The following ENOX1 variants were observed in gnomAD, a reference collection of about 807,000 sequenced individuals.
The protein encoded by ENOX1 is candidate growth-related and time keeping constitutive hydroquinone (NADH) oxidase.
Under a neutral mutation model 82.5 loss-of-function variants are expected in ENOX1, and 42 were observed. That is an observed-to-expected ratio of 0.51 (90% CI 0.40 to 0.66). The LOEUF (loss-of-function observed/expected upper bound fraction) is 0.66. Among genes scored for constraint, ENOX1 ranks in the 30% least tolerant of loss-of-function variants. The pLI is 0.00. For missense variants in ENOX1, 608 were observed against 811.6 expected (o/e 0.75, Z 3.05); for synonymous variants, 271 against 282.2 (o/e 0.96, Z 0.40).
chr13:43,599,402 A>G (rs1389371090), intron 2 of ENOX1, among the ~76,000 whole-genome samples: 1 of 151,936 alleles, frequency 6.6e-6, no homozygotes, highest in Admixed American at 6.6e-5. Flanking sequence ...TTTGCATTGA[A>G]ACTCAGTGCT....
At chr13:43,732,841 A>G (rs985843464) in intron 1 of ENOX1, among the ~76,000 whole-genome samples, 22 of 152,228 alleles carry the variant, frequency 1.4e-4, no homozygotes, top group African/African-American at 5.3e-4. Context: ...CAGCCCCAGT[A>G]ATGCAAGACA....
chr13:43,356,200 C>A (rs768155526), intron 7 of ENOX1, 48 bp from the exon 8 acceptor site: 1 of 1,574,774 alleles, frequency 6.4e-7, no homozygotes, highest in Non-Finnish European at 8.7e-7. Context: ...ACAATGGCCA[C>A]AGTTTTGGTC....
chr13:43,663,228 A>C lies in ENOX1; in HGVS notation c.-219+4251T>G, dbSNP rs147060825. Among the ~76,000 whole-genome samples the C allele has an allele frequency of 3.8e-4, 58 of 152,356 alleles. No individual in the cohort carries two copies. The East Asian group carries it at 0.011, about 28-fold the overall frequency. On this transcript the variant is annotated intron_variant, in intron 2 of 16. Transcript: ENST00000690772. ...CACAGCCATTCTCCCTGCAAGGAGC[A>C]GGATGAACTGAAGACATACAAAAGA...
At chr13:43,633,688 ATGTGTGTGTG>A (rs59390732) in intron 2 of ENOX1, among the ~76,000 whole-genome samples, 1 of 150,102 alleles carries the variant, frequency 6.7e-6, no homozygotes, top group African/African-American at 2.5e-5. Flanking sequence ...AAATGTGTGT[ATGTGTGTGTG>A]TGTGTGTGTG....
chr13:43,241,105 G>A (rs1430406431), intron 14 of ENOX1, among the ~76,000 whole-genome samples: 1 of 152,108 alleles, frequency 6.6e-6, no homozygotes, highest in Non-Finnish European at 1.5e-5. Context: ...TTTAGTAATT[G>A]GGGAACACAT....
At chr13:43,255,057 A>G (rs2043668687) in intron 14 of ENOX1, among the ~76,000 whole-genome samples, 1 of 152,194 alleles carries the variant, frequency 6.6e-6, no homozygotes, top group Non-Finnish European at 1.5e-5. Context: ...ACAAAATACC[A>G]GCAAACCTAA....
intron 2 of ENOX1, among the ~76,000 whole-genome samples, chr13:43,515,689 C>T (rs540757657): frequency 2.6e-4 from 39 of 152,310 alleles, no homozygotes; most frequent in African/African-American, 9.4e-4. Context: ...TTGTCAACCA[C>T]TACACTATGC....
At chr13:43,246,837 G>T (rs2043107678) in intron 14 of ENOX1, among the ~76,000 whole-genome samples, 2 of 152,300 alleles carry the variant, frequency 1.3e-5, no homozygotes, top group East Asian at 1.9e-4. Flanking sequence ...AACCACAGAG[G>T]TGACAGGAAG....
intron 2 of ENOX1, among the ~76,000 whole-genome samples, chr13:43,561,985 A>AAGAG (rs1566531281): frequency 2.2e-5 from 3 of 139,348 alleles, no homozygotes; most frequent in South Asian, 5.4e-4. Flanking sequence ...GGAAGGAAGG[A>AAGAG]AGAGAGAGAG....
chr13:43,353,361 C>T (rs1417624503), intron 8 of ENOX1, among the ~76,000 whole-genome samples: 6 of 152,056 alleles, frequency 3.9e-5, no homozygotes, highest in Admixed American at 6.5e-5. Context: ...TAAGAATAAA[C>T]AAGTATGATA....
chr13:43,752,119 T>C (rs1950356247), intron 1 of ENOX1, among the ~76,000 whole-genome samples: 1 of 152,214 alleles, frequency 6.6e-6, no homozygotes, highest in South Asian at 2.1e-4. Flanking sequence ...TTAATTTGCA[T>C]TTCCCTAATG....
chr13:43,476,811 A>T (rs996246843), intron 3 of ENOX1, among the ~76,000 whole-genome samples: 4 of 152,162 alleles, frequency 2.6e-5, no homozygotes, highest in African/African-American at 9.7e-5. Context: ...AATGTACGGA[A>T]CAGATATTTC....
At chr13:43,283,694 T>TC (rs1363860979) in intron 12 of ENOX1, among the ~76,000 whole-genome samples, 3 of 151,522 alleles carry the variant, frequency 2.0e-5, no homozygotes, top group African/African-American at 7.3e-5. Context: ...AAGCATATCC[T>TC]CCCGCCTTGG....
intron 1 of ENOX1, among the ~76,000 whole-genome samples, chr13:43,684,095 CA>C (rs55919280): frequency 1.6e-4 from 17 of 106,426 alleles, no homozygotes; most frequent in East Asian, 3.1e-4. Flanking sequence ...GACTCTGTCT[CA>C]AAAAAAAAAA....
At chr13:43,505,098 C>T (rs1167331837) in intron 2 of ENOX1, among the ~76,000 whole-genome samples, 1 of 151,794 alleles carries the variant, frequency 6.6e-6, no homozygotes, top group Non-Finnish European at 1.5e-5. Flanking sequence ...AATTATTTTA[C>T]ATTTTAACTT....
At chr13:43,600,999 A>G (rs936853743) in intron 2 of ENOX1, among the ~76,000 whole-genome samples, 1 of 152,184 alleles carries the variant, frequency 6.6e-6, no homozygotes, top group African/African-American at 2.4e-5. Context: ...ATATGGCTGC[A>G]AGGACCAAAA....
chr13:43,598,260 T>C (rs934842448), intron 2 of ENOX1, among the ~76,000 whole-genome samples: 1 of 151,770 alleles, frequency 6.6e-6, no homozygotes, highest in African/African-American at 2.4e-5. Flanking sequence ...TAAGAACACA[T>C]AGCCCCCTCC....
intron 12 of ENOX1, among the ~76,000 whole-genome samples, chr13:43,294,362 T>C (rs2046175291): frequency 6.6e-6 from 1 of 152,234 alleles, no homozygotes; most frequent in Admixed American, 6.5e-5. Context: ...AATTATGACA[T>C]GTTGACCTAT....
chr13:43,725,448 A>T (rs1478093775), intron 1 of ENOX1, among the ~76,000 whole-genome samples: 2 of 152,168 alleles, frequency 1.3e-5, no homozygotes, highest in African/African-American at 2.4e-5. Flanking sequence ...AAAGGGACTT[A>T]AACAGAGGGA....
Sources: gnomAD v4.1 joint callset for allele counts (sites outside exome capture counted in the v4.1 genomes callset) on GRCh38, gnomAD v4.1.1 for gene constraint, MANE v1.5 for transcripts, NCBI Gene and HGNC (gene_info 2026-07-23, HGNC 2026-07-21) for gene names.